SPCS2: variants seen among roughly 807,000 people sequenced by gnomAD.
SPCS2 encodes the protein signal peptidase complex subunit 2.
In SPCS2, 3 loss-of-function variants were observed where a neutral mutation model predicts 22.3. The ratio of observed to expected loss-of-function variants is 0.13; its 90% confidence interval spans 0.06 to 0.35. SPCS2 has a LOEUF of 0.35. Ranked by LOEUF, SPCS2 falls within the 10% of genes least tolerant of loss-of-function variation. The pLI, the probability that SPCS2 is intolerant of heterozygous loss-of-function variation, is 1.00. For missense variants in SPCS2, 169 were observed against 280.9 expected (o/e 0.60, Z 2.85); for synonymous variants, 67 against 97.2 (o/e 0.69, Z 1.83).
intron 4 of SPCS2, among the ~76,000 whole-genome samples, chr11:74,976,463 A>G (rs1427830841): frequency 6.6e-6 from 1 of 152,196 alleles, no homozygotes; most frequent in East Asian, 1.9e-4. Flanking sequence ...TTTCCCAGAA[A>G]AGTTTATGCC....
chr11:74,949,628 C>G lies in SPCS2; in HGVS notation c.114+229C>G, dbSNP rs1029788409. ...CTTCTTTTCTCGCAAGTGTTCTGGT[C>G]CTGGTCGCCACACCTTTTTCGGTAA... On this transcript the variant is annotated intron_variant, in intron 1 of 4. Coordinates refer to ENST00000263672, the MANE Select transcript of SPCS2 (RefSeq NM_014752.3). 5.1e-6 allele frequency: 3 copies of G among 592,046 alleles called. No individual in the cohort carries two copies. The Admixed American group carries it at 6.5e-5, about 13-fold the overall frequency. The allele number at this position is 592,046 out of a possible 1,614,324, so 36.7% of individuals were successfully genotyped here.
intron 3 of SPCS2, among the ~76,000 whole-genome samples, chr11:74,966,943 C>T (rs1161187090): frequency 6.6e-6 from 1 of 152,104 alleles, no homozygotes; most frequent in East Asian, 1.9e-4. Context: ...TTTACAGAGA[C>T]AAGGTCCTAC....
chr11:74,976,776 C>A, intron 4 of SPCS2, 81 bp from the exon 5 acceptor site: 1 of 1,563,098 alleles, frequency 6.4e-7, no homozygotes, highest in South Asian at 1.2e-5. Context: ...TCCTTTTCTT[C>A]GGAAACACTT....
Position 74,965,888 on chromosome 11 carries a change from A to G in SPCS2, c.324A>G (p.Pro108=). The change falls in exon 3 of 5, where the codon CCA becomes CCG. Residue 108 remains proline (P), a synonymous_variant. Transcript: ENST00000263672. The part of the protein sequence containing the change: ...ALIWDYMHPF[P]ESKPVLALCV... The stretch of plus-strand genomic sequence containing the variant: ...TTTGGGATTATATGCACCCCTTTCC[A>G]GAGTCCAAACCCGTTTTGGCTTTGT... The G allele has an allele frequency of 6.2e-7, 1 of 1,613,082 alleles. No individual in the cohort carries two copies. Among genetic ancestry groups the G allele is most frequent in the Non-Finnish European group, 8.5e-7 (1 of 1,179,602 alleles).
intron 4 of SPCS2, among the ~76,000 whole-genome samples, chr11:74,973,140 C>T (rs1948596334): frequency 1.3e-5 from 2 of 152,168 alleles, no homozygotes; most frequent in South Asian, 4.1e-4. Flanking sequence ...ATGTTTCTCT[C>T]ACAGCCTTCA....
chr11:74,969,477 C>T, intron 3 of SPCS2, 88 bp from the exon 4 acceptor site: 2 of 1,284,570 alleles, frequency 1.6e-6, no homozygotes, highest in Non-Finnish European at 2.2e-6. Flanking sequence ...TTAGGACTAT[C>T]ATTATGAAAG....
rs755670746 is a variant in SPCS2 at position 74,969,560 on chromosome 11, T to C, written c.360-5T>C. ...TGGGTATTTTCCCCTTAACTTTATT[T>C]GAACCTATTTTGTGATGATGGGGAT... On this transcript the variant is annotated splice_region_variant and splice_polypyrimidine_tract_variant and intron_variant, in intron 3 of 4. Transcript: ENST00000263672. 6.2e-7 allele frequency: 1 copy of C among 1,612,796 alleles called. No homozygotes were observed. The highest frequency in any genetic ancestry group is 1.1e-5 in the South Asian group (1 of 90,930).
chr11:74,979,033 A>G lies in SPCS2; in HGVS notation c.*1990A>G, dbSNP rs985542019. The G allele has an allele frequency of 5.3e-5, 8 of 152,238 alleles. No individual in the cohort carries two copies. The highest frequency in any genetic ancestry group is 1.2e-4 in the Non-Finnish European group (8 of 68,052). 9.4% of individuals were successfully genotyped at this position (152,238 alleles called of 1,614,324 possible). ...ATTAAAAATGAGTCTGAGGCCAGGC[A>G]TGGTGGCTCACGCCTTTAATCCTAG... is the stretch of plus-strand genomic sequence containing the variant. On this transcript the variant is annotated 3_prime_UTR_variant, in exon 5 of 5. Transcript: ENST00000263672.
chr11:74,969,730 T>G, intron 4 of SPCS2, 31 bp downstream of exon 4: 1 of 1,613,100 alleles, frequency 6.2e-7, no homozygotes. Context: ...TTTTAAATCC[T>G]GGTGTTGGAT....
chr11:74,965,713 A>T, intron 2 of SPCS2, 50 bp from the exon 3 acceptor site: 2 of 1,468,872 alleles, frequency 1.4e-6, no homozygotes, highest in Non-Finnish European at 1.9e-6. Flanking sequence ...AAAAGCACAT[A>T]CTGGGGAGGA....
At chr11:74,969,332 TTTTC>T (rs145900280) in intron 3 of SPCS2, among the ~76,000 whole-genome samples, 1 of 152,332 alleles carries the variant, frequency 6.6e-6, no homozygotes, top group East Asian at 1.9e-4. Context: ...CTCTGTATCT[TTTTC>T]TTTTCTTCCT....
chr11:74,951,630 G>A (rs527538564), intron 1 of SPCS2, among the ~76,000 whole-genome samples: 1 of 152,032 alleles, frequency 6.6e-6, no homozygotes, highest in South Asian at 2.1e-4. Flanking sequence ...GACCAAGATG[G>A]AGAAACCCCA....
At chr11:74,976,747 A>G (rs1948615966) in intron 4 of SPCS2, 110 bp from the exon 5 acceptor site, 2 of 1,371,722 alleles carry the variant, frequency 1.5e-6, no homozygotes, top group Admixed American at 2.0e-5. Flanking sequence ...TGTTCCCTGT[A>G]TCACCGTGCC....
intron 4 of SPCS2, among the ~76,000 whole-genome samples, chr11:74,974,768 C>G (rs1032602816): frequency 6.6e-6 from 1 of 152,188 alleles, no homozygotes; most frequent in Non-Finnish European, 1.5e-5. Flanking sequence ...GCACCAGCCA[C>G]CACGTCTGGC....
intron 1 of SPCS2, among the ~76,000 whole-genome samples, chr11:74,952,691 G>T (rs889400164): frequency 3.3e-5 from 5 of 152,158 alleles, no homozygotes; most frequent in African/African-American, 1.2e-4. Context: ...AAAATAGAAT[G>T]ACAAGGTGAT....
chr11:74,955,528 C>A (rs1948473025), intron 1 of SPCS2, among the ~76,000 whole-genome samples: 1 of 151,850 alleles, frequency 6.6e-6, no homozygotes, highest in African/African-American at 2.4e-5. Context: ...TTGTTGGCTG[C>A]CCGGGGATAG....
chr11:74,949,332 G>T lies in SPCS2; in HGVS notation c.47G>T (p.Gly16Val), dbSNP rs560514658. 4.0e-5 allele frequency: 62 copies of T among 1,550,868 alleles called. No individual in the cohort carries two copies. The African/African-American group carries it at 7.8e-4, about 20-fold the overall frequency. Residue 16 changes from glycine (G) to valine (V), a missense_variant, in exon 1 of 5, where the codon GGC becomes GTC. Around this residue, in one of 2 missense-constraint regions of SPCS2, gnomAD observed 51 missense variants for 37.8 expected, o/e 1.35. Transcript: ENST00000263672. ...VQGGRSGGSG[G>V]CSGAGGASNC... ...GGCGGGAGAAGCGGTGGTAGCGGAG[G>T]CTGTAGTGGGGCTGGTGGTGCTTCC...
intron 4 of SPCS2, among the ~76,000 whole-genome samples, chr11:74,971,684 G>A (rs1948585300): frequency 6.6e-6 from 1 of 152,138 alleles, no homozygotes; most frequent in South Asian, 2.1e-4. Flanking sequence ...GCAATGAAAG[G>A]TTTCACAGAC....
intron 1 of SPCS2, among the ~76,000 whole-genome samples, chr11:74,953,087 A>T (rs1396370675): frequency 6.6e-6 from 1 of 152,144 alleles, no homozygotes; most frequent in Non-Finnish European, 1.5e-5. Flanking sequence ...TGGTGCCTCT[A>T]ATTGTTTGAA....
Sources: gnomAD v4.1 joint callset for allele counts (sites outside exome capture counted in the v4.1 genomes callset) on GRCh38, gnomAD v4.1.1 for gene constraint, gnomAD v4.1.1 regional missense constraint, MANE v1.5 for transcripts, NCBI Gene and HGNC (gene_info 2026-07-23, HGNC 2026-07-21) for gene names.